BCKDHB: variants seen among roughly 807,000 people sequenced by gnomAD.
BCKDHB encodes the protein branched chain keto acid dehydrogenase E1 subunit beta.
Under a neutral mutation model 48.5 loss-of-function variants are expected in BCKDHB, and 41 were observed. The ratio of observed to expected loss-of-function variants is 0.85; its 90% CI spans 0.66 to 1.10. BCKDHB has a LOEUF of 1.10. Ranked by LOEUF, BCKDHB falls within the 50% of genes least tolerant of loss-of-function variation. BCKDHB has a pLI of 0.00. For synonymous variants in BCKDHB, 201 were observed against 174.8 expected, an observed-to-expected ratio of 1.15 and a Z score of -1.18; for missense variants, 496 against 494.2, an observed-to-expected ratio of 1.00 and a Z score of -0.03.
At chr6:80,449,073 G>A in the BCKDHB span, among the ~76,000 whole-genome samples, 1 of 152,096 alleles carries the variant, frequency 6.6e-6, no homozygotes, top group Admixed American at 6.6e-5. Context: ...AGTTATCACA[G>A]AAAAAATGCC....
chr6:80,107,518 T>TATATATATTCAC (rs138189568), intron 1 of BCKDHB, among the ~76,000 whole-genome samples: 1 of 121,686 alleles, frequency 8.2e-6, no homozygotes, highest in Admixed American at 7.7e-5. Flanking sequence ...TGTGCGCATA[T>TATATATATTCAC]ATATATATAT....
chr6:80,437,704 A>G, the BCKDHB span, among the ~76,000 whole-genome samples: 1 of 152,338 alleles, frequency 6.6e-6, no homozygotes, highest in Non-Finnish European at 1.5e-5. Context: ...CATGGTTTTC[A>G]GATGATAAAT....
At chr6:80,392,780 A>G in the BCKDHB span, among the ~76,000 whole-genome samples, 3 of 151,630 alleles carry the variant, frequency 2.0e-5, no homozygotes, top group African/African-American at 7.2e-5. Flanking sequence ...ACAGCCTATA[A>G]CAAAGAATAG....
intron 9 of BCKDHB, among the ~76,000 whole-genome samples, chr6:80,317,384 G>T (rs1320228001): frequency 1.3e-5 from 2 of 152,176 alleles, no homozygotes; most frequent in Non-Finnish European, 2.9e-5. Flanking sequence ...TTCTCTAGGG[G>T]ACTATCTGTT....
chr6:80,346,531 G>A (rs545558875), downstream of BCKDHB, among the ~76,000 whole-genome samples: 1 of 152,218 alleles, frequency 6.6e-6, no homozygotes, highest in South Asian at 2.1e-4. Context: ...TCCCCAGTGT[G>A]TGGTGGGTGG....
chr6:80,341,686 A>G (rs952962579), intron 9 of BCKDHB, among the ~76,000 whole-genome samples: 11 of 152,250 alleles, frequency 7.2e-5, no homozygotes, highest in African/African-American at 2.4e-4. Flanking sequence ...TACTGGTTCA[A>G]GAGAACAGTC....
intron 9 of BCKDHB, among the ~76,000 whole-genome samples, chr6:80,332,863 AG>A (rs1271622424): frequency 3.9e-5 from 6 of 151,996 alleles, no homozygotes; most frequent in Non-Finnish European, 5.9e-5. Context: ...GGAATTAATC[AG>A]AAAGTTCCAC....
chr6:80,171,448 G>A (rs1364706159), intron 6 of BCKDHB, 58 bp downstream of exon 6: 1 of 990,804 alleles, frequency 1.0e-6, no homozygotes, highest in African/African-American at 1.7e-5. Flanking sequence ...GTTTTTTATA[G>A]CTCTAAAAGT....
At chr6:80,358,913 C>G in the BCKDHB span, among the ~76,000 whole-genome samples, 1 of 152,080 alleles carries the variant, frequency 6.6e-6, no homozygotes, top group African/African-American at 2.4e-5. Flanking sequence ...CTAGGAGACC[C>G]GTGGATGTGT....
chr6:80,165,170 G>A (rs1045189955), intron 3 of BCKDHB, among the ~76,000 whole-genome samples: 4 of 152,132 alleles, frequency 2.6e-5, no homozygotes, highest in African/African-American at 9.7e-5. Flanking sequence ...TTTGGTTAAG[G>A]TGGTTCAGGT....
At position 80,345,547 on chromosome 6, in the gene BCKDHB, A is replaced by G. The variant is rs1246365018; in HGVS notation, c.*1743A>G. 9 of 152,208 alleles carry G rather than the reference A, an allele frequency of 5.9e-5. No homozygotes were observed. The East Asian group carries it at 9.6e-4, about 16-fold the overall frequency. The allele number at this position is 152,208 out of a possible 1,614,324, so 9.4% of individuals were successfully genotyped here. On this transcript the variant is annotated 3_prime_UTR_variant, in exon 10 of 10. Coordinates refer to ENST00000320393, the MANE Select transcript of BCKDHB (RefSeq NM_183050.4). ...TCTGTTCTAGTCTAAGAATATTGTT[A>G]TAGATGGAAGTTAGGACCATTAGCC...
chr6:80,240,277 G>A (rs149179780), intron 8 of BCKDHB, among the ~76,000 whole-genome samples: 10,812 of 152,134 alleles, frequency 0.071, 565 homozygotes, highest in South Asian at 0.24. Flanking sequence ...TCCTATCCAT[G>A]AGCATGGAAT....
At chr6:80,408,338 G>A in the BCKDHB span, among the ~76,000 whole-genome samples, 10 of 152,156 alleles carry the variant, frequency 6.6e-5, no homozygotes, top group South Asian at 2.1e-4. Flanking sequence ...GTGTCTGCCA[G>A]GCTTTGGTAG....
chr6:80,307,448 T>C, intron 9 of BCKDHB: 1 of 985,366 alleles, frequency 1.0e-6, no homozygotes, highest in Non-Finnish European at 1.2e-6. Context: ...TATTCTGTGC[T>C]TCACAGTGCT....
chr6:80,165,392 TA>T (rs1343242365), intron 3 of BCKDHB, among the ~76,000 whole-genome samples: 2 of 152,210 alleles, frequency 1.3e-5, no homozygotes, highest in Non-Finnish European at 2.9e-5. Flanking sequence ...TGCAGCTGCT[TA>T]TAGCCTGGCA....
At chr6:80,417,590 C>T in the BCKDHB span, among the ~76,000 whole-genome samples, 1 of 152,162 alleles carries the variant, frequency 6.6e-6, no homozygotes, top group Non-Finnish European at 1.5e-5. Flanking sequence ...TTCTCCTTCA[C>T]TTATGATGTT....
At chr6:80,355,461 C>T in the BCKDHB span, 2 of 150,814 alleles carry the variant, frequency 1.3e-5, no homozygotes, top group African/African-American at 4.9e-5. Context: ...ATTTACACTC[C>T]TTCTATTAAA....
chr6:80,202,689 T>G (rs1251935235), intron 7 of BCKDHB, among the ~76,000 whole-genome samples: 1 of 151,954 alleles, frequency 6.6e-6, no homozygotes, highest in Non-Finnish European at 1.5e-5. Context: ...CTCCTTTTTT[T>G]CTTTCCTTCC....
intron 9 of BCKDHB, among the ~76,000 whole-genome samples, chr6:80,341,894 T>G (rs3805851): frequency 2.0e-5 from 3 of 151,978 alleles, no homozygotes; most frequent in Non-Finnish European, 4.4e-5. Flanking sequence ...AAACAAGAAA[T>G]AATCCACCCA....
Sources: allele counts gnomAD v4.1 joint callset (sites outside exome capture counted in the v4.1 genomes callset), GRCh38; gene constraint gnomAD v4.1.1; transcripts MANE v1.5; gene names NCBI Gene and HGNC (gene_info 2026-07-23, HGNC 2026-07-21).